TARS1: variants seen among roughly 807,000 people sequenced by gnomAD.
TARS1 encodes threonine--tRNA ligase 1, cytoplasmic.
A neutral mutation model predicts 97.7 loss-of-function variants in TARS1; 57 were observed. The observed-to-expected ratio is 0.58, with a 90% CI of 0.47 to 0.73. The LOEUF is 0.73. Ranked by LOEUF, TARS1 falls within the 30% of genes least tolerant of loss-of-function variation. The pLI, the probability that TARS1 is intolerant of heterozygous loss-of-function variation, is 0.00. For missense variants in TARS1, 806 were observed against 888.3 expected (o/e 0.91, Z 1.18); for synonymous variants, 312 against 293.7 (o/e 1.06, Z -0.64).
At chr5:33,459,918 G>C in intron 11 of TARS1, 57 bp downstream of exon 11, 3 of 1,554,194 alleles carry the variant, frequency 1.9e-6, no homozygotes, top group Non-Finnish European at 2.6e-6. Flanking sequence ...ATTCATCCTG[G>C]GTTCTTCCCT....
At position 33,448,700 on chromosome 5, in the gene TARS1, A is replaced by G. The variant is rs754655606; in HGVS notation, c.298A>G (p.Thr100Ala). The G allele has an allele frequency of 6.2e-7, 1 of 1,613,598 alleles. No homozygotes were observed. The change falls in exon 3 of 19, where the codon ACT becomes GCT. Residue 100 changes from threonine (T) to alanine (A), a missense_variant. Thr to Ala is a moderately conservative substitution (Grantham distance 58). Around this residue, in one of 3 missense-constraint regions of TARS1, gnomAD observed 356 missense variants for 357.8 expected, o/e 0.99. Coordinates refer to ENST00000265112, the MANE Select transcript of TARS1 (RefSeq NM_152295.5). ...ACAGGTTGATGCGGAATCTTGGAAA[A>G]CTACACCATATCAAATTGCCTGTGG... ...GKQVDAESWK[T>A]TPYQIACGIS... is the part of the protein sequence containing the mutation.
chr5:33,463,659 G>T, intron 16 of TARS1, 94 bp from the exon 17 acceptor site: 1 of 1,113,124 alleles, frequency 9.0e-7, no homozygotes, highest in Admixed American at 2.2e-5. Flanking sequence ...ACATGTTCCA[G>T]GAAAAGATAC....
chr5:33,458,692 T>C, intron 10 of TARS1, 28 bp downstream of exon 10: 2 of 1,533,982 alleles, frequency 1.3e-6, no homozygotes, highest in Non-Finnish European at 1.8e-6. Context: ...CTTTCTTCTT[T>C]AGATTTAGGA....
chr5:33,446,819 A>G, intron 2 of TARS1: 2 of 1,099,690 alleles, frequency 1.8e-6, no homozygotes, highest in Admixed American at 5.2e-5. Context: ...ACTGTGCATT[A>G]GTCTGAGGGG....
At chr5:33,445,223 A>G in intron 1 of TARS1, 101 bp from the exon 2 acceptor site, 4 of 884,012 alleles carry the variant, frequency 4.5e-6, no homozygotes, top group Non-Finnish European at 6.8e-6. Context: ...TTTTTAAATT[A>G]AATAACAAAT....
At position 33,461,214 on chromosome 5, in the gene TARS1, T is replaced by C; in HGVS notation, c.1470T>C (p.Phe490=). The C allele has an allele frequency of 6.2e-7, 1 of 1,614,092 alleles. No individual in the cohort carries two copies. The highest frequency in any genetic ancestry group is 8.5e-7 in the Non-Finnish European group (1 of 1,179,990). Residue 490 remains phenylalanine, a synonymous_variant, in exon 13 of 19, where the codon TTT becomes TTC. Coordinates refer to ENST00000265112, the MANE Select transcript of TARS1 (RefSeq NM_152295.5). The stretch of plus-strand genomic sequence containing the variant: ...TTCTACGTACGGTATATAGCGTATT[T>C]GGATTTTCTTTTAAACTAAACCTTT... ...LDFLRTVYSV[F]GFSFKLNLST...
chr5:33,460,047 T>A (rs1334109925), intron 11 of TARS1, 186 bp downstream of exon 11: 29 of 515,200 alleles, frequency 5.6e-5, no homozygotes, highest in Non-Finnish European at 7.3e-5. Context: ...TTTTTTTTTT[T>A]AAAGAGGTCT....
intron 9 of TARS1, 74 bp from the exon 10 acceptor site, chr5:33,458,492 A>G: frequency 7.7e-7 from 1 of 1,297,292 alleles, no homozygotes; most frequent in Admixed American, 2.1e-5. Context: ...GCTCAAGAAC[A>G]CTGAAATTTA....
intron 1 of TARS1, among the ~76,000 whole-genome samples, chr5:33,443,075 T>C (rs186854164): frequency 4.6e-5 from 7 of 152,304 alleles, no homozygotes; most frequent in African/African-American, 1.4e-4. Flanking sequence ...TTTAGATTAC[T>C]TGTATGTAGA....
In TARS1 at chr5:33,452,576, T is replaced by C. The variant is rs1350746243; in HGVS notation, c.330-713T>C. ...ATGATACTTTATGTTCGATGTTGTA[T>C]ATTGGGTGTGTAATGTTTTTACTCA... On this transcript the variant is annotated intron_variant, in intron 3 of 18. Coordinates refer to ENST00000265112, the MANE Select transcript of TARS1 (RefSeq NM_152295.5). The C allele has an allele frequency of 2.9e-5, 19 of 650,918 alleles. No individual in the cohort carries two copies. The East Asian group carries it at 3.0e-4, about 10-fold the overall frequency. The allele number at this position is 650,918 out of a possible 1,614,324, so 40.3% of individuals were successfully genotyped here.
chr5:33,454,597 A>G (rs893869485), intron 4 of TARS1, among the ~76,000 whole-genome samples: 1 of 152,262 alleles, frequency 6.6e-6, no homozygotes, highest in African/African-American at 2.4e-5. Context: ...ACATTGACTC[A>G]AAAGAACCTG....
chr5:33,443,319 CCCTCT>C (rs1741220323), intron 1 of TARS1, among the ~76,000 whole-genome samples: 6 of 117,662 alleles, frequency 5.1e-5, no homozygotes, highest in Non-Finnish European at 1.0e-4. Flanking sequence ...CTCTCTCTCT[CCCTCT>C]CTCTCTCTCT....
At chr5:33,453,912 G>T (rs1038402244) in intron 4 of TARS1, among the ~76,000 whole-genome samples, 4 of 151,876 alleles carry the variant, frequency 2.6e-5, no homozygotes, top group African/African-American at 9.7e-5. Flanking sequence ...TAGAGATGGG[G>T]TTTCACCATG....
At chr5:33,452,342 C>A in intron 3 of TARS1, 1 of 1,535,346 alleles carries the variant, frequency 6.5e-7, no homozygotes, top group South Asian at 1.2e-5. Context: ...CTGCTCTAGT[C>A]ACACAGCTTC....
chr5:33,442,320 C>CTTTTTTT (rs763508345), intron 1 of TARS1, among the ~76,000 whole-genome samples: 7 of 104,596 alleles, frequency 6.7e-5, no homozygotes, highest in Admixed American at 1.0e-4. Flanking sequence ...TGTTTTGTAA[C>CTTTTTTT]TTTTTTTTTT....
chr5:33,453,713 T>C (rs1741870866), intron 4 of TARS1, among the ~76,000 whole-genome samples: 1 of 151,988 alleles, frequency 6.6e-6, no homozygotes, highest in Admixed American at 6.6e-5. Flanking sequence ...TGAACACTAT[T>C]TTATTTTAAT....
chr5:33,458,511 T>TAC, intron 9 of TARS1, 55 bp from the exon 10 acceptor site: 1 of 1,471,878 alleles, frequency 6.8e-7, no homozygotes, highest in South Asian at 1.2e-5. Flanking sequence ...TATGTATATA[T>TAC]ACACACACGT....
chr5:33,451,722 AATG>A (rs1331798215), intron 3 of TARS1, among the ~76,000 whole-genome samples: 21 of 152,144 alleles, frequency 1.4e-4, no homozygotes, highest in African/African-American at 5.1e-4. Flanking sequence ...GAAAAATTGA[AATG>A]ATCCAGTATG....
intron 17 of TARS1, among the ~76,000 whole-genome samples, chr5:33,465,141 C>G (rs1239643319): frequency 6.6e-6 from 1 of 151,796 alleles, no homozygotes; most frequent in Non-Finnish European, 1.5e-5. Flanking sequence ...ATAGATAAAC[C>G]ATTCAGACTA....
Sources: allele counts gnomAD v4.1 joint callset (sites outside exome capture counted in the v4.1 genomes callset), GRCh38; gene constraint gnomAD v4.1.1; regional missense constraint gnomAD v4.1.1; transcripts MANE v1.5; gene names NCBI Gene and HGNC (gene_info 2026-07-23, HGNC 2026-07-21).